Variants in PCDHA7 observed in about 807,000 individuals in gnomAD.
PCDHA7 encodes protocadherin alpha 7, also known as protocadherin alpha-7.
In PCDHA7, 37 loss-of-function variants were observed where a neutral mutation model predicts 57.2. That is an observed-to-expected ratio of 0.65 (90% CI 0.50 to 0.85). PCDHA7 has a LOEUF of 0.85. Ranked by LOEUF, PCDHA7 falls within the 40% of genes least tolerant of loss-of-function variation. The pLI is 0.00. For missense variants in PCDHA7, 1,188 were observed against 1,241.8 expected (o/e 0.96, Z 0.65); for synonymous variants, 553 against 558.8 (o/e 0.99, Z 0.15).
rs375652776 is a variant in PCDHA7, at chr5:140,968,862, G to A, written c.2356-10087G>A. The A allele has an allele frequency of 1.9e-5, 31 of 1,614,126 alleles. No individual in the cohort carries two copies. The highest frequency in any genetic ancestry group is 1.5e-4 in the South Asian group (14 of 91,062). The stretch of plus-strand genomic sequence containing the variant: ...ACTCAGAGGCATGTTAAGAGCCCTC[G>A]GACATACTCTGAAATTACCCTTTAT... On this transcript the variant is annotated intron_variant, in intron 1 of 3. Transcript: ENST00000525929.
At chr5:140,905,958 G>T (rs1554192269) in intron 1 of PCDHA7, among the ~76,000 whole-genome samples, 1 of 152,184 alleles carries the variant, frequency 6.6e-6, no homozygotes, top group Non-Finnish European at 1.5e-5. Context: ...GATGTTCAAG[G>T]GGAGGAAGAT....
At chr5:140,983,734 G>A (rs1194473513) in intron 3 of PCDHA7, among the ~76,000 whole-genome samples, 15 of 152,170 alleles carry the variant, frequency 9.9e-5, no homozygotes, top group African/African-American at 3.4e-4. Context: ...TAACATGGCT[G>A]GCTTGCAATA....
At chr5:140,973,980 A>G (rs1554235707) in intron 1 of PCDHA7, among the ~76,000 whole-genome samples, 1 of 152,248 alleles carries the variant, frequency 6.6e-6, no homozygotes, top group African/African-American at 2.4e-5. Flanking sequence ...TGGCTTTTAC[A>G]GAACTTCACC....
chr5:140,874,465 T>C (rs1554167224), intron 1 of PCDHA7, among the ~76,000 whole-genome samples: 1 of 152,184 alleles, frequency 6.6e-6, no homozygotes. Flanking sequence ...TAGGGGAAGA[T>C]TTAGAGAAAA....
At chr5:140,916,641 G>T (rs781877597) in intron 1 of PCDHA7, among the ~76,000 whole-genome samples, 2 of 152,150 alleles carry the variant, frequency 1.3e-5, no homozygotes, top group African/African-American at 2.4e-5. Context: ...TCCTACTGTG[G>T]CTGAGCTGGT....
intron 1 of PCDHA7, chr5:140,837,051 A>G (rs1246258340): frequency 3.1e-5 from 6 of 195,270 alleles, no homozygotes. Context: ...AAATATTTAC[A>G]TTTCCATATT....
intron 1 of PCDHA7, among the ~76,000 whole-genome samples, chr5:140,944,025 A>C (rs981840753): frequency 6.6e-6 from 1 of 152,236 alleles, no homozygotes; most frequent in Admixed American, 6.5e-5. Flanking sequence ...AATTATCTTC[A>C]AAATATGGAA....
At chr5:140,923,638 C>G (rs1375136191) in intron 1 of PCDHA7, among the ~76,000 whole-genome samples, 1 of 152,176 alleles carries the variant, frequency 6.6e-6, no homozygotes, top group African/African-American at 2.4e-5. Flanking sequence ...AGGCAAAAAT[C>G]TTTAGCCTCC....
At position 140,927,047 on chromosome 5, in the gene PCDHA7, C is replaced by T. The variant is rs782800214; in HGVS notation, c.2356-51902C>T. On this transcript the variant is annotated intron_variant, in intron 1 of 3. Coordinates refer to ENST00000525929, the MANE Select transcript of PCDHA7 (RefSeq NM_018910.3). ...AGGCTGCCAGCGGCCGCTATGTCCT[C>T]GCGGAACTTTCGCTTCCTTTCCAGC... The T allele has an allele frequency of 2.5e-6, 4 of 1,612,066 alleles. No homozygotes were observed. The highest frequency in any genetic ancestry group is 1.7e-5 in the Admixed American group (1 of 59,932).
intron 1 of PCDHA7, among the ~76,000 whole-genome samples, chr5:140,912,858 A>G (rs1554195572): frequency 6.6e-6 from 1 of 152,192 alleles, no homozygotes; most frequent in East Asian, 1.9e-4. Context: ...ATCAATTGAA[A>G]TGATATATGG....
At chr5:140,846,369 C>CTTTTTTTTTTT (rs797033964) in intron 1 of PCDHA7, among the ~76,000 whole-genome samples, 5 of 102,192 alleles carry the variant, frequency 4.9e-5, no homozygotes, top group African/African-American at 7.6e-5. Context: ...TCTTTTCTTT[C>CTTTTTTTTTTT]TTTCTTTTTT....
In PCDHA7 at chr5:140,925,899, G is replaced by T. The variant is rs149135478; in HGVS notation, c.2356-53050G>T. ...TATAACCTCCTCTTTCACCCAGATC[G>T]TCAAGGGCCGTTTGCAAAGCACTCC... is the stretch of plus-strand genomic sequence containing the variant. On this transcript the variant is annotated intron_variant, in intron 1 of 3. Transcript: ENST00000525929. Among the ~76,000 whole-genome samples, 277 of 151,958 alleles carry T rather than the reference G, an allele frequency of 1.8e-3. 3 individuals carry two copies. The highest frequency in any genetic ancestry group is 6.4e-3 in the African/African-American group (264 of 41,382).
intron 1 of PCDHA7, among the ~76,000 whole-genome samples, chr5:140,964,342 C>T (rs2095825714): frequency 6.6e-6 from 1 of 152,184 alleles, no homozygotes; most frequent in Non-Finnish European, 1.5e-5. Context: ...TGGCAGGTGT[C>T]CTTGCTGGAA....
intron 3 of PCDHA7, among the ~76,000 whole-genome samples, chr5:140,999,024 T>C (rs17119348): frequency 0.023 from 3,497 of 152,332 alleles, 138 homozygotes; most frequent in African/African-American, 0.08. Context: ...CCAAGACTTT[T>C]GATACTTCGT....
At chr5:140,890,875 T>G (rs189226344) in intron 1 of PCDHA7, among the ~76,000 whole-genome samples, 106 of 152,318 alleles carry the variant, frequency 7.0e-4, no homozygotes, top group Non-Finnish European at 1.3e-3. Flanking sequence ...CCCTCTGACC[T>G]TTCATCAGGG....
chr5:140,969,424 G>A (rs1554231783), intron 1 of PCDHA7: 1 of 1,558,342 alleles, frequency 6.4e-7, no homozygotes, highest in South Asian at 1.2e-5. Context: ...GTCATTAACA[G>A]TGACAAGAGT....
chr5:140,929,697 T>G (rs2086305900), intron 1 of PCDHA7: 1 of 266,272 alleles, frequency 3.8e-6, no homozygotes, highest in African/African-American at 2.2e-5. Flanking sequence ...CTGCTTTATA[T>G]GAATATAATA....
chr5:140,875,818 G>T (rs2055839936), intron 1 of PCDHA7: 1 of 1,614,100 alleles, frequency 6.2e-7, no homozygotes, highest in East Asian at 2.2e-5. Flanking sequence ...GCCGCTGCAG[G>T]TTTTCCATGT....
intron 1 of PCDHA7, among the ~76,000 whole-genome samples, chr5:140,911,976 A>G (rs1270778875): frequency 6.6e-6 from 1 of 152,218 alleles, no homozygotes; most frequent in Non-Finnish European, 1.5e-5. Context: ...ATTAACTCAC[A>G]TGATCACAAG....
Sources: allele counts gnomAD v4.1 joint callset (sites outside exome capture counted in the v4.1 genomes callset), GRCh38; gene constraint gnomAD v4.1.1; transcripts MANE v1.5; gene names NCBI Gene and HGNC (gene_info 2026-07-23, HGNC 2026-07-21).